The following HGF variants were observed in gnomAD, a reference collection of about 807,000 sequenced individuals.
HGF encodes fibroblast-derived tumor cytotoxic factor.
A neutral mutation model predicts 111.6 loss-of-function variants in HGF; 39 were observed. That is an observed-to-expected ratio of 0.35 (90% CI 0.27 to 0.46). The LOEUF is 0.46. HGF is among the 20% of genes least tolerant of loss of function. The pLI is 1.00. For synonymous variants in HGF, 285 were observed against 294.8 expected, an observed-to-expected ratio of 0.97 and a Z score of 0.34; for missense variants, 735 against 910.5, an observed-to-expected ratio of 0.81 and a Z score of 2.48.
intron 13 of HGF, among the ~76,000 whole-genome samples, chr7:81,708,102 T>C (rs1371722195): frequency 2.0e-5 from 3 of 152,044 alleles, no homozygotes; most frequent in African/African-American, 7.2e-5. Flanking sequence ...AATTTACATT[T>C]CCAAAGAGTA....
chr7:81,730,785 T>G (rs2115936677), intron 7 of HGF, among the ~76,000 whole-genome samples: 1 of 152,336 alleles, frequency 6.6e-6, no homozygotes, highest in African/African-American at 2.4e-5. Context: ...GTTTATGGTT[T>G]GATAAAAGTG....
intron 10 of HGF, among the ~76,000 whole-genome samples, chr7:81,719,821 CTTAAAG>C (rs893733624): frequency 9.2e-5 from 14 of 152,198 alleles, no homozygotes; most frequent in East Asian, 3.9e-4. Flanking sequence ...GAATAAGGAA[CTTAAAG>C]TTAAAAGACT....
chr7:81,704,317 T>C (rs1789365817), intron 17 of HGF, among the ~76,000 whole-genome samples: 1 of 151,754 alleles, frequency 6.6e-6, no homozygotes, highest in African/African-American at 2.4e-5. Flanking sequence ...ATGACAATAA[T>C]TAGATGATCT....
intron 1 of HGF, among the ~76,000 whole-genome samples, chr7:81,765,473 A>C (rs1265809201): frequency 1.3e-5 from 2 of 152,134 alleles, no homozygotes; most frequent in African/African-American, 2.4e-5. Flanking sequence ...TAGATAACAA[A>C]TAGAAATGAA....
At chr7:81,708,600 T>C (rs1200269118) in intron 13 of HGF, among the ~76,000 whole-genome samples, 2 of 122,870 alleles carry the variant, frequency 1.6e-5, no homozygotes, top group African/African-American at 3.0e-5. Context: ...TGTGCCACCA[T>C]GCCCGGCTAA....
chr7:81,770,047 TAA>T, upstream of HGF: 1 of 1,065,934 alleles, frequency 9.4e-7, no homozygotes, highest in Admixed American at 2.0e-5. Context: ...AGTCAGTGCC[TAA>T]AAGAGCCAGT....
chr7:81,743,553 C>T (rs1788096867), intron 6 of HGF, 82 bp from the exon 7 acceptor site: 1 of 901,492 alleles, frequency 1.1e-6, no homozygotes, highest in South Asian at 1.3e-5. Flanking sequence ...TAACTTTCCA[C>T]TTAGGTTGTC....
intron 1 of HGF, among the ~76,000 whole-genome samples, chr7:81,769,647 G>T (rs1179218127): frequency 6.6e-6 from 1 of 152,088 alleles, no homozygotes; most frequent in East Asian, 1.9e-4. Context: ...ACGGGGCTTG[G>T]GTTGGAGGTG....
intron 8 of HGF, among the ~76,000 whole-genome samples, 195 bp from the exon 9 acceptor site, chr7:81,726,212 T>C (rs1790005662): frequency 6.6e-6 from 1 of 152,204 alleles, no homozygotes; most frequent in Non-Finnish European, 1.5e-5. Context: ...AAATAAATGC[T>C]GTCATATGTT....
At chr7:81,757,958 AACTT>A (rs1225233726) in intron 3 of HGF, among the ~76,000 whole-genome samples, 2 of 152,028 alleles carry the variant, frequency 1.3e-5, no homozygotes, top group Admixed American at 6.6e-5. Flanking sequence ...TATAAAGATT[AACTT>A]ACTTCTACCA....
intron 11 of HGF, among the ~76,000 whole-genome samples, chr7:81,712,948 G>C (rs2115814891): frequency 6.6e-6 from 1 of 152,288 alleles, no homozygotes. Context: ...TATCCTAGAG[G>C]AGGGTTTGTC....
chr7:81,712,374 A>G (rs1286495359), intron 11 of HGF, among the ~76,000 whole-genome samples: 2 of 152,222 alleles, frequency 1.3e-5, no homozygotes, highest in African/African-American at 2.4e-5. Context: ...TCTAGAAGAT[A>G]GATATCAATG....
At position 81,701,790 on chromosome 7, in the gene HGF, T is replaced by C. The variant is rs937355350; in HGVS notation, c.*791A>G. 1 of 151,664 alleles carries C rather than the reference T, an allele frequency of 6.6e-6. No homozygotes were observed. Among genetic ancestry groups the C allele is most frequent in the African/African-American group, 2.4e-5 (1 of 41,414 alleles). 9.4% of individuals were successfully genotyped at this position (151,664 alleles called of 1,614,324 possible). A position where few individuals can be genotyped will look rare whatever the true frequency, so the allele number is the denominator to read the frequency against. The stretch of plus-strand genomic sequence containing the variant: ...ATGTAAACACCTAGATTAGGTGTTA[T>C]TTAACTCTGGGTGATGGCCACACCT... On this transcript the variant is annotated 3_prime_UTR_variant, in exon 18 of 18. Transcript: ENST00000222390.
At chr7:81,749,363 C>G (rs1174366824) in intron 5 of HGF, among the ~76,000 whole-genome samples, 1 of 152,052 alleles carries the variant, frequency 6.6e-6, no homozygotes, top group Non-Finnish European at 1.5e-5. Flanking sequence ...AACGCTAAAG[C>G]AAGAAAATGG....
At chr7:81,762,485 C>T (rs188412154) in intron 2 of HGF, among the ~76,000 whole-genome samples, 69 of 152,264 alleles carry the variant, frequency 4.5e-4, no homozygotes, top group African/African-American at 1.7e-3. Flanking sequence ...ATAACCAAAG[C>T]CACTGTGGAT....
intron 9 of HGF, among the ~76,000 whole-genome samples, chr7:81,721,091 C>T (rs1460308928): frequency 6.6e-6 from 1 of 151,998 alleles, no homozygotes; most frequent in Non-Finnish European, 1.5e-5. Context: ...TTTAAAAATA[C>T]AAAAAATTAG....
chr7:81,764,924 A>G (rs1282302702), intron 1 of HGF, among the ~76,000 whole-genome samples: 1 of 152,070 alleles, frequency 6.6e-6, no homozygotes, highest in African/African-American at 2.4e-5. Context: ...AATTTCCTGT[A>G]TAAATTTGAA....
At chr7:81,767,915 T>G (rs757357641) in intron 1 of HGF, among the ~76,000 whole-genome samples, 17 of 152,186 alleles carry the variant, frequency 1.1e-4, no homozygotes, top group South Asian at 2.1e-4. Flanking sequence ...TATTTTTTAT[T>G]TTAAAGGTTA....
intron 1 of HGF, among the ~76,000 whole-genome samples, chr7:81,767,928 A>G (rs191727062): frequency 6.6e-6 from 1 of 152,000 alleles, no homozygotes; most frequent in Non-Finnish European, 1.5e-5. Flanking sequence ...AAAGGTTATT[A>G]AAAAAAACTA....
Sources: gnomAD v4.1 joint callset for allele counts (sites outside exome capture counted in the v4.1 genomes callset) on GRCh38, gnomAD v4.1.1 for gene constraint, MANE v1.5 for transcripts, NCBI Gene and HGNC (gene_info 2026-07-23, HGNC 2026-07-21) for gene names.